Variants in EP300 observed in about 807,000 individuals in gnomAD.
EP300 encodes EP300 lysine acetyltransferase, also known as histone acetyltransferase p300.
Under a neutral mutation model 264.0 loss-of-function variants are expected in EP300, and 31 were observed. That is an observed-to-expected ratio of 0.12 (90% confidence interval 0.09 to 0.16). The LOEUF (loss-of-function observed/expected upper bound fraction) is 0.16, where lower values mean the gene tolerates loss of function less well. Ranked by LOEUF, EP300 falls within the 10% of genes least tolerant of loss-of-function variation. The pLI, the probability that EP300 is intolerant of heterozygous loss-of-function variation, is 1.00. For missense variants in EP300, 2,766 were observed against 3,052.9 expected, an observed-to-expected ratio of 0.91 and a Z score of 2.21; for synonymous variants, 1,340 against 1,045.4, an observed-to-expected ratio of 1.28 and a Z score of -5.44.
chr22:41,117,136 T>G (rs368921778), intron 1 of EP300, 51 bp from the exon 2 acceptor site: 103 of 1,535,762 alleles, frequency 6.7e-5, no homozygotes, highest in Middle Eastern at 1.7e-4. Context: ...GAGCAGTTTT[T>G]TATTTTGGTT....
At position 41,149,099 on chromosome 22, in the gene EP300, C is replaced by G. The variant is rs1601618939; in HGVS notation, c.2303C>G (p.Thr768Ser). The change falls in exon 13 of 31, where the codon ACT (threonine) becomes AGT (serine). Residue 768 changes from threonine to serine, a missense_variant. By Grantham distance (58) the Thr-to-Ser change is moderately conservative. Transcript: ENST00000263253. ...AACCAGGGCCAGTTCCTTCCTCAGA[C>G]TCAGTTCCCATCACAGGGAATGAAT... ...PSNQGQFLPQ[T>S]QFPSQGMNVT... 6.2e-7 allele frequency: 1 copy of G among 1,613,604 alleles called. No individual in the cohort carries two copies. Among genetic ancestry groups the G allele is most frequent in the South Asian group, 1.1e-5 (1 of 91,062 alleles).
intron 10 of EP300, 108 bp from the exon 11 acceptor site, chr22:41,146,631 T>A (rs2059011895): frequency 2.1e-6 from 2 of 931,032 alleles, no homozygotes; most frequent in Non-Finnish European, 1.7e-6. Context: ...CATACTCAAT[T>A]TTCAAAGGTA....
At position 41,179,677 on chromosome 22, in the gene EP300, T is replaced by C. The variant is rs561247456; in HGVS notation, c.*721T>C. The C allele has an allele frequency of 4.4e-5, 10 of 228,938 alleles. No homozygotes were observed. The highest frequency in any genetic ancestry group is 7.8e-5 in the Non-Finnish European group (9 of 115,274). 14.2% of individuals were successfully genotyped at this position (228,938 alleles called of 1,614,324 possible). ...GAGAAAAATGACTTTTTCAAAAATATACAGGGGCAGCTGCCAAATTGATGT... is the reference window on the plus strand; with the variant it reads ...GAGAAAAATGACTTTTTCAAAAATACACAGGGGCAGCTGCCAAATTGATGT... On this transcript the variant is annotated 3_prime_UTR_variant, in exon 31 of 31. Coordinates refer to ENST00000263253, the MANE Select transcript of EP300 (RefSeq NM_001429.4).
intron 1 of EP300, among the ~76,000 whole-genome samples, chr22:41,103,339 A>G (rs771970801): frequency 1.3e-5 from 2 of 152,198 alleles, no homozygotes; most frequent in Non-Finnish European, 2.9e-5. Context: ...TTGAATACCT[A>G]CCAAGTCTTA....
In EP300 at chr22:41,149,133, T is replaced by C; in HGVS notation, c.2337T>C (p.Asn779=). The C allele has an allele frequency of 1.2e-6, 2 of 1,613,792 alleles. No individual in the cohort carries two copies. Among genetic ancestry groups the C allele is most frequent in the Non-Finnish European group, 1.7e-6 (2 of 1,179,922 alleles). ...CATCACAGGGAATGAATGTAACAAA[T>C]ATCCCTTTGGCTCCGTCCAGCGGTC... ...QFPSQGMNVT[N]IPLAPSSGQA... is the part of the protein sequence containing the mutation. Residue 779 remains asparagine (N), a synonymous_variant, in exon 13 of 31, where the codon AAT becomes AAC. Transcript: ENST00000263253.
At chr22:41,105,846 T>A (rs559822070) in intron 1 of EP300, among the ~76,000 whole-genome samples, 3 of 152,238 alleles carry the variant, frequency 2.0e-5, no homozygotes, top group African/African-American at 7.2e-5. Flanking sequence ...GATTTCAAAA[T>A]TCAACAGCTG....
rs1050298084 is a variant in EP300 at position 41,169,984 on chromosome 22, T to C, written c.4286+368T>C. The stretch of plus-strand genomic sequence containing the variant: ...GGAGATACTTCTTACCTTTAGAGTA[T>C]GTATGTCATTGGAAACATTCACTCC... On this transcript the variant is annotated intron_variant, in intron 26 of 30. Coordinates refer to ENST00000263253, the MANE Select transcript of EP300 (RefSeq NM_001429.4). Among the ~76,000 whole-genome samples the C allele has an allele frequency of 3.3e-5, 5 of 152,240 alleles. No homozygotes were observed. In the South Asian group the frequency reaches 6.2e-4, roughly 19 times the overall value.
At position 41,141,664 on chromosome 22, in the gene EP300, T is replaced by TA. The variant is rs2058983115; in HGVS notation, c.2053+442_2053+443insA. Among the ~76,000 whole-genome samples the TA allele has an allele frequency of 2.3e-5, 3 of 128,198 alleles. No homozygotes were observed. In the South Asian group the frequency reaches 7.4e-4, roughly 32 times the overall value. 84.1% of individuals were successfully genotyped at this position (128,198 alleles called of 152,430 possible). On this transcript the variant is annotated intron_variant, in intron 10 of 30. Coordinates refer to ENST00000263253, the MANE Select transcript of EP300 (RefSeq NM_001429.4). ...CATAAAATATTCTAAGTCTAGGAAC[T>TA]CTTTTTTTTTTTTTCTTTTTCTTTT...
intron 16 of EP300, among the ~76,000 whole-genome samples, chr22:41,153,759 TAAATA>T (rs1198488279): frequency 1.1e-4 from 16 of 152,090 alleles, no homozygotes; most frequent in African/African-American, 2.4e-4. Flanking sequence ...CTCAAACAAA[TAAATA>T]AAATAAAATG....
rs370931638 is a variant in EP300 at position 41,117,798 on chromosome 22, T to A, written c.706T>A (p.Leu236Met). Residue 236 changes from leucine (L) to methionine (M), a missense_variant, in exon 2 of 31, where the codon TTG (leucine) becomes ATG (methionine). By Grantham distance (15) the Leu-to-Met change is conservative. Transcript: ENST00000263253. ...TCCCCAGATGGGAGGACAAACAGGA[T>A]TGAGAGGCCCCCAGCCTCTTAAGGT... ...GSPQMGGQTG[L>M]RGPQPLKMGM... The A allele has an allele frequency of 5.0e-6, 8 of 1,614,006 alleles. No individual in the cohort carries two copies. The highest frequency in any genetic ancestry group is 6.8e-6 in the Non-Finnish European group (8 of 1,180,042).
intron 14 of EP300, 47 bp downstream of exon 14, chr22:41,150,245 A>G (rs765426574): frequency 2.6e-6 from 4 of 1,537,172 alleles, no homozygotes; most frequent in Non-Finnish European, 3.5e-6. Flanking sequence ...GCTATACTGT[A>G]GTATTATATT....
chr22:41,115,882 T>TA (rs1396456235), intron 1 of EP300, among the ~76,000 whole-genome samples: 3 of 152,218 alleles, frequency 2.0e-5, no homozygotes, highest in Non-Finnish European at 4.4e-5. Context: ...AGGAACTTGG[T>TA]AAAAAATGGT....
intron 17 of EP300, among the ~76,000 whole-genome samples, chr22:41,155,567 G>T (rs372412477): frequency 3.3e-5 from 5 of 152,068 alleles, no homozygotes; most frequent in South Asian, 2.1e-4. Flanking sequence ...TCACAGAGTT[G>T]TGCATGACAC....
Position 41,092,813 on chromosome 22 carries a change from C to A in EP300, c.-192C>A. The stretch of plus-strand genomic sequence containing the variant: ...CCCGGCCCCTCGCACTTGCCCTTAC[C>A]TTTTCTATCGAGTCCGCATCCCTCT... On this transcript the variant is annotated 5_prime_UTR_variant, in exon 1 of 31. Transcript: ENST00000263253. The A allele has an allele frequency of 1.5e-6, 1 of 686,460 alleles. No individual in the cohort carries two copies. The highest frequency in any genetic ancestry group is 1.6e-5 in the South Asian group (1 of 61,130). 42.5% of individuals were successfully genotyped at this position (686,460 alleles called of 1,614,324 possible). A position where few individuals can be genotyped will look rare whatever the true frequency, so the allele number is the denominator to read the frequency against.
At chr22:41,175,895 G>C (rs1286164222) in intron 29 of EP300, among the ~76,000 whole-genome samples, 1 of 152,220 alleles carries the variant, frequency 6.6e-6, no homozygotes, top group African/African-American at 2.4e-5. Context: ...GGAGGCGTAT[G>C]GTGGTGAAAC....
chr22:41,140,049 C>G lies in EP300; in HGVS notation c.1761-91C>G. 2.3e-6 allele frequency: 2 copies of G among 886,156 alleles called. 1 individual carries two copies. The highest frequency in any genetic ancestry group is 3.8e-6 in the Non-Finnish European group (2 of 524,288). The allele number at this position is 886,156 out of a possible 1,614,324, so 54.9% of individuals were successfully genotyped here. ...ATATATCACCTTGCCATTATTTTTT[C>G]TTTTCCTCTATGTGTTCAGTGTATA... On this transcript the variant is annotated intron_variant, in intron 8 of 30. Coordinates refer to ENST00000263253, the MANE Select transcript of EP300 (RefSeq NM_001429.4).
In EP300 at chr22:41,178,639, C is replaced by G. The variant is rs2059218676; in HGVS notation, c.6928C>G (p.Pro2310Ala). The G allele has an allele frequency of 1.9e-6, 3 of 1,614,132 alleles. No homozygotes were observed. Among genetic ancestry groups the G allele is most frequent in the Non-Finnish European group, 1.7e-6 (2 of 1,180,026 alleles). The change falls in exon 31 of 31, where the codon CCC becomes GCC. Residue 2310 changes from proline (P) to alanine (A), a missense_variant. Pro to Ala is a conservative substitution (Grantham distance 27, BLOSUM62 -1). Coordinates refer to ENST00000263253, the MANE Select transcript of EP300 (RefSeq NM_001429.4). ...TTCTCTCTCCAATCAAGTGCGCTCTCCCCAGCCTGTCCCTTCTCCACGGCC... is the reference window on the plus strand; with the variant it reads ...TTCTCTCTCCAATCAAGTGCGCTCTGCCCAGCCTGTCCCTTCTCCACGGCC... ...PNSLSNQVRS[P>A]QPVPSPRPQS...
chr22:41,146,910 C>A (rs890839494), intron 11 of EP300, 94 bp downstream of exon 11: 11 of 1,107,456 alleles, frequency 9.9e-6, no homozygotes, highest in Non-Finnish European at 1.5e-5. Flanking sequence ...ATGCCAACAG[C>A]AAGTGTCATG....
intron 15 of EP300, 67 bp from the exon 16 acceptor site, chr22:41,152,139 G>A (rs2059049618): frequency 2.5e-6 from 4 of 1,586,706 alleles, no homozygotes; most frequent in Non-Finnish European, 3.5e-6. Flanking sequence ...ATGAGAAAGG[G>A]TGTTCAGATT....
Sources: gnomAD v4.1 joint callset for allele counts (sites outside exome capture counted in the v4.1 genomes callset) on GRCh38, gnomAD v4.1.1 for gene constraint, MANE v1.5 for transcripts, NCBI Gene and HGNC (gene_info 2026-07-23, HGNC 2026-07-21) for gene names.